The following PIGN variants were observed in gnomAD, a reference collection of about 807,000 sequenced individuals.
PIGN encodes the protein phosphatidylinositol glycan anchor biosynthesis class N.
Under a neutral mutation model 125.4 loss-of-function variants are expected in PIGN, and 117 were observed. The ratio of observed to expected loss-of-function variants is 0.93; its 90% CI spans 0.80 to 1.09. The LOEUF (loss-of-function observed/expected upper bound fraction) is 1.09, where lower values mean the gene tolerates loss of function less well. Ranked by LOEUF, PIGN falls within the 50% of genes least tolerant of loss-of-function variation. The pLI is 0.00. For missense variants in PIGN, 1,075 were observed against 1,094.9 expected (o/e 0.98, Z 0.26); for synonymous variants, 392 against 377.8 (o/e 1.04, Z -0.44).
At chr18:62,075,649 C>T (rs774145814) in intron 28 of PIGN, 1 of 152,134 alleles carries the variant, frequency 6.6e-6, no homozygotes, top group Non-Finnish European at 1.5e-5. Flanking sequence ...GTGGCTCTTA[C>T]AAATAAAGCT....
chr18:62,152,317 A>T (rs2036567241), intron 7 of PIGN, among the ~76,000 whole-genome samples: 1 of 151,870 alleles, frequency 6.6e-6, no homozygotes, highest in Non-Finnish European at 1.5e-5. Flanking sequence ...TATTATTATT[A>T]TACTTTAAGT....
intron 30 of PIGN, among the ~76,000 whole-genome samples, chr18:62,061,520 AAAAAAAAAAAAAAAAAAAT>A (rs1235150535): frequency 8.6e-6 from 1 of 116,470 alleles, no homozygotes; most frequent in Non-Finnish European, 1.8e-5. Context: ...TCAAAAAAAA[AAAAAAAAAAAAAAAAAAAT>A]GCAATAAAAT....
intron 6 of PIGN, 94 bp from the exon 7 acceptor site, chr18:62,154,745 C>G: frequency 2.9e-6 from 2 of 684,092 alleles, no homozygotes; most frequent in Non-Finnish European, 5.2e-6. Context: ...TTGTGAGTAA[C>G]CAGAATTTTC....
At chr18:62,134,220 C>T (rs1481500162) in intron 14 of PIGN, among the ~76,000 whole-genome samples, 1 of 151,720 alleles carries the variant, frequency 6.6e-6, no homozygotes, top group African/African-American at 2.4e-5. Flanking sequence ...TGGTGAAACC[C>T]CATCTCTACT....
intron 14 of PIGN, among the ~76,000 whole-genome samples, chr18:62,129,205 G>GT (rs770350420): frequency 1.3e-4 from 20 of 152,090 alleles, no homozygotes; most frequent in Admixed American, 1.2e-3. Flanking sequence ...CATAGTGAGC[G>GT]TATTTATACC....
intron 19 of PIGN, 36 bp downstream of exon 19, chr18:62,106,753 T>A: frequency 7.4e-7 from 1 of 1,349,722 alleles, no homozygotes; most frequent in East Asian, 2.4e-5. Flanking sequence ...ACAAAGTAGT[T>A]ACTAATCTGT....
intron 10 of PIGN, among the ~76,000 whole-genome samples, chr18:62,145,329 T>A (rs2036285390): frequency 6.6e-6 from 1 of 152,166 alleles, no homozygotes; most frequent in South Asian, 2.1e-4. Flanking sequence ...ATGCTCTCCA[T>A]TAGCACTTAC....
intron 23 of PIGN, among the ~76,000 whole-genome samples, chr18:62,027,513 G>A (rs542026931): frequency 2.0e-4 from 30 of 152,290 alleles, no homozygotes; most frequent in African/African-American, 6.3e-4. Context: ...AAGCAAAAGC[G>A]GGACAACTCA....
Position 62,105,624 on chromosome 18 carries a change from A to T in PIGN, c.1778T>A (p.Leu593Gln), listed in dbSNP as rs761434115. The change falls in exon 20 of 31, where the codon CTG becomes CAG. Residue 593 changes from leucine to glutamine, a missense_variant. Coordinates refer to ENST00000640252, the MANE Select transcript of PIGN (RefSeq NM_176787.5). The stretch of plus-strand genomic sequence containing the variant: ...GAGCAAAGAGAAGAAAGTCCAACTC[A>T]GTGAGGTCATCTAAAATCAAGAAAA... ...RLWTRAKMTS[L>Q]SWTFFSLLLA... 1.3e-6 allele frequency: 2 copies of T among 1,541,856 alleles called. No individual in the cohort carries two copies. Among genetic ancestry groups the T allele is most frequent in the South Asian group, 2.4e-5 (2 of 81,824 alleles).
intron 14 of PIGN, chr18:62,137,338 C>A: frequency 2.5e-6 from 1 of 396,968 alleles, no homozygotes; most frequent in South Asian, 1.3e-4. Flanking sequence ...TTTTGGGACT[C>A]AGACTGGCTT....
At chr18:62,078,466 A>G (rs544883084) in intron 28 of PIGN, among the ~76,000 whole-genome samples, 14 of 152,152 alleles carry the variant, frequency 9.2e-5, no homozygotes, top group Non-Finnish European at 1.5e-4. Context: ...GCTCCTAACC[A>G]TTACGCACAC....
intron 30 of PIGN, chr18:62,069,809 T>C (rs931150664): frequency 6.6e-6 from 1 of 152,244 alleles, no homozygotes; most frequent in African/African-American, 2.4e-5. Flanking sequence ...GTATACTTAA[T>C]ACCATTGAAC....
At position 62,106,777 on chromosome 18, in the gene PIGN, G is replaced by A; in HGVS notation, c.1767+12C>T. The stretch of plus-strand genomic sequence containing the variant: ...TTACTAATCTGTCCTATGTCAAAAT[G>A]AGTACTCATACCTTTGCTCGAGTCC... On this transcript the variant is annotated intron_variant, in intron 19 of 30. Coordinates refer to ENST00000640252, the MANE Select transcript of PIGN (RefSeq NM_176787.5). 6.4e-7 allele frequency: 1 copy of A among 1,568,036 alleles called. No homozygotes were observed. The highest frequency in any genetic ancestry group is 1.7e-4 in the Middle Eastern group (1 of 5,976).
At chr18:62,064,047 T>A (rs2032361453) in intron 30 of PIGN, among the ~76,000 whole-genome samples, 1 of 152,116 alleles carries the variant, frequency 6.6e-6, no homozygotes, top group African/African-American at 2.4e-5. Flanking sequence ...CTGCACGTTG[T>A]GCACATGTAC....
At position 62,076,514 on chromosome 18, in the gene PIGN, T is replaced by C. The variant is rs142332344; in HGVS notation, c.2577-1693A>G. ...ACTTTTAATTCTGAAGAAGTCCAGT[T>C]TATCAATTTTTCCTTTAATGGGTTA... On this transcript the variant is annotated intron_variant, in intron 28 of 30. Transcript: ENST00000640252. Among the ~76,000 whole-genome samples the C allele has an allele frequency of 4.9e-3, 753 of 152,310 alleles. 6 individuals carry two copies. The highest frequency in any genetic ancestry group is 7.9e-3 in the South Asian group (38 of 4,826).
chr18:62,072,132 T>C (rs1304068668), intron 30 of PIGN, among the ~76,000 whole-genome samples: 4 of 149,788 alleles, frequency 2.7e-5, no homozygotes, highest in Non-Finnish European at 5.9e-5. Context: ...AAAAGTGATT[T>C]TAAAATATTA....
chr18:62,023,290 C>T (rs573808), intron 23 of PIGN, among the ~76,000 whole-genome samples: 100,206 of 152,142 alleles, frequency 0.66, 34,535 homozygotes, highest in African/African-American at 0.87. Context: ...CTCTGTGGAT[C>T]TGCCAATTCA....
intron 23 of PIGN, among the ~76,000 whole-genome samples, chr18:62,024,558 A>T (rs1248656541): frequency 6.6e-6 from 1 of 152,038 alleles, no homozygotes; most frequent in Non-Finnish European, 1.5e-5. Flanking sequence ...TCCTTTTCAC[A>T]ATTTTCTTTT....
At chr18:62,140,721 C>T (rs920843159) in intron 11 of PIGN, among the ~76,000 whole-genome samples, 8 of 151,942 alleles carry the variant, frequency 5.3e-5, no homozygotes, top group African/African-American at 1.7e-4. Flanking sequence ...CATACTAAAA[C>T]AAAAAATTAC....
Sources: allele counts gnomAD v4.1 joint callset (sites outside exome capture counted in the v4.1 genomes callset), GRCh38; gene constraint gnomAD v4.1.1; transcripts MANE v1.5; gene names NCBI Gene and HGNC (gene_info 2026-07-23, HGNC 2026-07-21).